DCBLD2: variants seen among roughly 807,000 people sequenced by gnomAD.
The protein encoded by DCBLD2 is discoidin, CUB and LCCL domain containing 2.
DCBLD2 carries 54 observed loss-of-function variants against 86.8 expected under a neutral mutation model. That is an observed-to-expected ratio of 0.62 (90% CI 0.50 to 0.78). The LOEUF is 0.78. Among genes scored for constraint, DCBLD2 ranks in the 30% least tolerant of loss-of-function variants. The pLI is 0.00. For missense variants in DCBLD2, 908 were observed against 954.2 expected (o/e 0.95, Z 0.64); for synonymous variants, 354 against 341.3 (o/e 1.04, Z -0.41).
At chr3:98,881,374 C>A (rs139587588) in intron 2 of DCBLD2, among the ~76,000 whole-genome samples, 166 bp downstream of exon 2, 1 of 151,586 alleles carries the variant, frequency 6.6e-6, no homozygotes, top group Non-Finnish European at 1.5e-5. Flanking sequence ...AGTAAACAGA[C>A]AAGAATCTTC....
chr3:98,838,765 C>CTGAG (rs1491581699), intron 3 of DCBLD2, among the ~76,000 whole-genome samples: 1 of 152,112 alleles, frequency 6.6e-6, no homozygotes, highest in Admixed American at 6.5e-5. Context: ...CCATTGAGCA[C>CTGAG]TGAGTGAACG....
Position 98,820,302 on chromosome 3 carries a change from G to T in DCBLD2, c.831-14C>A, listed in dbSNP as rs140753051. 47 of 1,456,572 alleles carry T rather than the reference G, an allele frequency of 3.2e-5. 1 individual carries two copies. In the East Asian group the frequency reaches 8.9e-4, roughly 28 times the overall value. 90.2% of individuals were successfully genotyped at this position (1,456,572 alleles called of 1,614,324 possible). On this transcript the variant is annotated splice_polypyrimidine_tract_variant and intron_variant, in intron 6 of 15. Coordinates refer to ENST00000326840, the MANE Select transcript of DCBLD2 (RefSeq NM_080927.4). ...GATAAGTGTCCCCTGAAAGAGAGAA[G>T]GGTTTTTTTTGGTGATACTCACATA...
rs548516691 is a variant in DCBLD2, at chr3:98,830,035, T to C, written c.572-4669A>G. 3.2e-4 allele frequency among the ~76,000 whole-genome samples: 48 copies of C among 152,344 alleles called. 1 individual carries two copies. The highest frequency in any genetic ancestry group is 2.9e-3 in the Admixed American group (44 of 15,306). ...TTCTTATGCTTATTGGCCACATATG[T>C]GTCTTCTTTGGAAAAGTGTCTGCTC... On this transcript the variant is annotated intron_variant, in intron 3 of 15. Transcript: ENST00000326840.
chr3:98,894,162 A>T (rs1943711213), intron 1 of DCBLD2, among the ~76,000 whole-genome samples: 1 of 152,202 alleles, frequency 6.6e-6, no homozygotes, highest in Non-Finnish European at 1.5e-5. Context: ...ACCAGGTGAA[A>T]GAGGAAGCAC....
chr3:98,882,948 G>C (rs1174853586), intron 1 of DCBLD2, among the ~76,000 whole-genome samples: 2 of 152,142 alleles, frequency 1.3e-5, no homozygotes, highest in Non-Finnish European at 2.9e-5. Flanking sequence ...GTAATGGGAT[G>C]GCTGGGTCAA....
intron 3 of DCBLD2, among the ~76,000 whole-genome samples, chr3:98,845,520 C>T (rs1942705578): frequency 6.6e-6 from 1 of 152,162 alleles, no homozygotes; most frequent in African/African-American, 2.4e-5. Context: ...GCTTTGCCTC[C>T]TCGGACAGCC....
In DCBLD2 at chr3:98,795,951, A is replaced by C. The variant is rs2107405823; in HGVS notation, c.*3421T>G. 6.5e-6 allele frequency: 1 copy of C among 152,778 alleles called. No homozygotes were observed. Among genetic ancestry groups the C allele is most frequent in the Middle Eastern group, 3.4e-3 (1 of 294 alleles). 9.5% of individuals were successfully genotyped at this position (152,778 alleles called of 1,614,324 possible). A position where few individuals can be genotyped will look rare whatever the true frequency, so the allele number is the denominator to read the frequency against. ...TTGGCCATAAATTAGTGAGGTTAAA[A>C]TAGAAGAATCTGGCATTTTATAGTA... On this transcript the variant is annotated 3_prime_UTR_variant, in exon 16 of 16. Coordinates refer to ENST00000326840, the MANE Select transcript of DCBLD2 (RefSeq NM_080927.4).
chr3:98,875,313 T>G (rs1471785806), intron 2 of DCBLD2, among the ~76,000 whole-genome samples: 1 of 152,052 alleles, frequency 6.6e-6, no homozygotes, highest in African/African-American at 2.4e-5. Context: ...CCATCTCCAT[T>G]GCAACAAAGC....
chr3:98,819,140 T>C, intron 8 of DCBLD2, 62 bp downstream of exon 8: 1 of 1,425,816 alleles, frequency 7.0e-7, no homozygotes. Context: ...ATCTTAGATG[T>C]TACTAGTTTT....
At chr3:98,869,997 C>T (rs1401392576) in intron 2 of DCBLD2, among the ~76,000 whole-genome samples, 1 of 152,148 alleles carries the variant, frequency 6.6e-6, no homozygotes, top group East Asian at 1.9e-4. Flanking sequence ...TCATAGGGTG[C>T]TATTTTGTGG....
chr3:98,855,757 G>GTAA (rs955723970), intron 2 of DCBLD2, among the ~76,000 whole-genome samples: 4 of 152,148 alleles, frequency 2.6e-5, no homozygotes, highest in Admixed American at 2.0e-4. Flanking sequence ...TATTCATAAG[G>GTAA]TAATATCAAA....
rs879873257 is a variant in DCBLD2, at chr3:98,839,118, TTTTTC to T, written c.571+10338_571+10342del. On this transcript the variant is annotated intron_variant, in intron 3 of 15. Transcript: ENST00000326840. ...CTGTGCTCCCTTCTTTCTTTCTTTC[TTTTTC>T]TTTCTTTCCTTCCTTCCTTCCTTCT... Among the ~76,000 whole-genome samples, 393 of 77,524 alleles carry T rather than the reference TTTTTC, an allele frequency of 5.1e-3. 1 individual carries two copies. The East Asian group carries it at 0.056, about 11-fold the overall frequency. The allele number at this position is 77,524 out of a possible 152,430, so 50.9% of individuals were successfully genotyped here. A position where few individuals can be genotyped will look rare whatever the true frequency, so the allele number is the denominator to read the frequency against.
At chr3:98,886,663 C>T (rs1943567946) in intron 1 of DCBLD2, among the ~76,000 whole-genome samples, 1 of 151,896 alleles carries the variant, frequency 6.6e-6, no homozygotes, top group Non-Finnish European at 1.5e-5. Flanking sequence ...AGAATAAACA[C>T]TGGAATTTGA....
At position 98,808,121 on chromosome 3, in the gene DCBLD2, G is replaced by C. The variant is rs764352446; in HGVS notation, c.1630C>G (p.Leu544Val). ...VPVLVMVLTT[L>V]ILILVCAWHW... is the part of the protein sequence containing the mutation. ...CAAGCACACACTAATATGAGAATGA[G>C]AGTAGTGAGGACCATGACCAGCACA... Residue 544 changes from leucine (L) to valine (V), a missense_variant, in exon 13 of 16, where the codon CTC becomes GTC. By Grantham distance (32) the Leu-to-Val change is conservative (BLOSUM62 1). Coordinates refer to ENST00000326840, the MANE Select transcript of DCBLD2 (RefSeq NM_080927.4). The C allele has an allele frequency of 1.2e-6, 2 of 1,607,542 alleles. No individual in the cohort carries two copies. The highest frequency in any genetic ancestry group is 2.2e-5 in the South Asian group (2 of 89,644).
intron 2 of DCBLD2, among the ~76,000 whole-genome samples, chr3:98,857,270 G>A (rs993483873): frequency 6.6e-6 from 1 of 152,214 alleles, no homozygotes; most frequent in African/African-American, 2.4e-5. Context: ...AGCTCATAAA[G>A]GCAGTGTGGA....
chr3:98,820,356 ATT>A (rs1942097144), intron 6 of DCBLD2, 68 bp from the exon 7 acceptor site: 1 of 1,227,292 alleles, frequency 8.1e-7, no homozygotes, highest in Admixed American at 3.0e-5. Flanking sequence ...TTAGTGAAAC[ATT>A]TTCTTTTGAT....
intron 2 of DCBLD2, among the ~76,000 whole-genome samples, chr3:98,877,554 T>G (rs1455975843): frequency 6.7e-6 from 1 of 149,744 alleles, no homozygotes; most frequent in Non-Finnish European, 1.5e-5. Flanking sequence ...CATAAACTCA[T>G]GCTCTTTAAT....
intron 3 of DCBLD2, among the ~76,000 whole-genome samples, chr3:98,844,082 G>A (rs1258851001): frequency 8.2e-6 from 1 of 121,318 alleles, no homozygotes; most frequent in African/African-American, 2.8e-5. Flanking sequence ...TGGTACATAT[G>A]AATAAATGCT....
At chr3:98,870,694 AAGAG>A (rs1349279230) in intron 2 of DCBLD2, among the ~76,000 whole-genome samples, 2 of 149,060 alleles carry the variant, frequency 1.3e-5, no homozygotes, top group East Asian at 2.0e-4. Context: ...GAGAAAGAAA[AAGAG>A]AGAGAAAAAA....
Sources: gnomAD v4.1 joint callset for allele counts (sites outside exome capture counted in the v4.1 genomes callset) on GRCh38, gnomAD v4.1.1 for gene constraint, MANE v1.5 for transcripts, NCBI Gene and HGNC (gene_info 2026-07-23, HGNC 2026-07-21) for gene names.